Variants in CNTLN observed in about 807,000 individuals in gnomAD.
CNTLN encodes centlein, also known as centlein, centrosomal protein.
In CNTLN, 212 loss-of-function variants were observed where a neutral mutation model predicts 180.0. The ratio of observed to expected loss-of-function variants is 1.18; its 90% CI spans 1.05 to 1.32. The LOEUF is 1.32. CNTLN is among the 40% of genes most tolerant of loss of function. The pLI is 0.00. For missense variants in CNTLN, 2,095 were observed against 1,610.9 expected, an observed-to-expected ratio of 1.30 and a Z score of -5.14; for synonymous variants, 722 against 563.1, an observed-to-expected ratio of 1.28 and a Z score of -3.99.
At chr9:17,265,942 A>G (rs868704787) in intron 5 of CNTLN, among the ~76,000 whole-genome samples, 1 of 151,212 alleles carries the variant, frequency 6.6e-6, no homozygotes, top group South Asian at 2.1e-4. Flanking sequence ...TTTCTTTATT[A>G]TTCTTGCTAG....
At chr9:17,222,490 A>T (rs1463643198) in intron 2 of CNTLN, among the ~76,000 whole-genome samples, 2 of 151,966 alleles carry the variant, frequency 1.3e-5, no homozygotes, top group Non-Finnish European at 2.9e-5. Flanking sequence ...TGGTATATGA[A>T]AGCAAGGGAG....
At chr9:17,145,179 C>A (rs1368673087) in intron 2 of CNTLN, among the ~76,000 whole-genome samples, 3 of 152,174 alleles carry the variant, frequency 2.0e-5, no homozygotes, top group African/African-American at 7.2e-5. Flanking sequence ...GGGCCTTTTA[C>A]CTGATCTACT....
intron 10 of CNTLN, among the ~76,000 whole-genome samples, chr9:17,340,565 A>AG (rs1821398708): frequency 6.6e-6 from 1 of 152,220 alleles, no homozygotes; most frequent in South Asian, 2.1e-4. Flanking sequence ...CAACAGGGAA[A>AG]GGAGTGAAAC....
At chr9:17,213,902 T>G (rs531646692) in intron 2 of CNTLN, among the ~76,000 whole-genome samples, 4 of 152,240 alleles carry the variant, frequency 2.6e-5, no homozygotes, top group South Asian at 2.1e-4. Context: ...TTTTCCATTT[T>G]CTTGGTAGAT....
downstream of CNTLN, among the ~76,000 whole-genome samples, chr9:17,504,338 A>G (rs1218812632): frequency 6.6e-6 from 1 of 152,204 alleles, no homozygotes; most frequent in East Asian, 1.9e-4. Flanking sequence ...GAGTAATAAA[A>G]AATTACAAAA....
At chr9:17,278,385 A>C (rs1428478894) in intron 6 of CNTLN, among the ~76,000 whole-genome samples, 3 of 150,226 alleles carry the variant, frequency 2.0e-5, no homozygotes, top group African/African-American at 7.6e-5. Context: ...GTAGCACATA[A>C]AATTTACAAT....
intron 18 of CNTLN, among the ~76,000 whole-genome samples, chr9:17,423,113 G>C (rs113057005): frequency 0.014 from 2,148 of 152,252 alleles, 22 homozygotes; most frequent in Non-Finnish European, 0.021. Flanking sequence ...AGTTGGGAGA[G>C]GGGTGACTGA....
At chr9:17,505,142 T>A (rs75196563), downstream of CNTLN, among the ~76,000 whole-genome samples, 48,205 of 151,520 alleles carry the variant, frequency 0.32, 8,730 homozygotes, top group East Asian at 0.5. Context: ...TCATTTATTT[T>A]AAAAAAAACT....
chr9:17,421,071 G>T (rs947031132), intron 18 of CNTLN, among the ~76,000 whole-genome samples: 3 of 152,086 alleles, frequency 2.0e-5, no homozygotes, highest in African/African-American at 7.2e-5. Context: ...TATCTATGAG[G>T]TTCATTTGGT....
chr9:17,512,973 T>C, the CNTLN span, among the ~76,000 whole-genome samples: 112 of 152,184 alleles, frequency 7.4e-4, 1 homozygote, highest in Non-Finnish European at 1.2e-3. Context: ...CCCACCACTA[T>C]GCCCAGCTAA....
chr9:17,205,980 G>A (rs1397303204), intron 2 of CNTLN, among the ~76,000 whole-genome samples: 1 of 151,916 alleles, frequency 6.6e-6, no homozygotes, highest in Non-Finnish European at 1.5e-5. Flanking sequence ...TAATTAATGA[G>A]AATAACCTGT....
chr9:17,517,949 A>AC, the CNTLN span, among the ~76,000 whole-genome samples: 267 of 120,092 alleles, frequency 2.2e-3, no homozygotes, highest in Non-Finnish European at 3.5e-3. Context: ...TCCTTTAACC[A>AC]CCCCCCAAGG....
chr9:17,309,423 CATACA>C (rs1411483044), intron 8 of CNTLN, among the ~76,000 whole-genome samples, 171 bp downstream of exon 8: 1 of 152,034 alleles, frequency 6.6e-6, no homozygotes, highest in East Asian at 1.9e-4. Context: ...ATGAATATTA[CATACA>C]ATACAAATTT....
At chr9:17,415,206 A>G (rs140984131) in intron 16 of CNTLN, among the ~76,000 whole-genome samples, 199 of 152,302 alleles carry the variant, frequency 1.3e-3, no homozygotes, top group African/African-American at 4.6e-3. Flanking sequence ...GCCTCAGTGT[A>G]TTAGAATGCC....
At chr9:17,240,714 T>C (rs552219029) in intron 5 of CNTLN, among the ~76,000 whole-genome samples, 100 of 152,288 alleles carry the variant, frequency 6.6e-4, no homozygotes, top group African/African-American at 2.2e-3. Flanking sequence ...ACTTTATTGA[T>C]TGCCCTCTTT....
chr9:17,204,450 G>C (rs913020221), intron 2 of CNTLN, among the ~76,000 whole-genome samples: 4 of 152,116 alleles, frequency 2.6e-5, no homozygotes, highest in African/African-American at 9.7e-5. Flanking sequence ...CTCTTCTGCA[G>C]CTTGCTGGAG....
At chr9:17,471,223 G>C (rs17764545) in intron 23 of CNTLN, among the ~76,000 whole-genome samples, 2 of 151,812 alleles carry the variant, frequency 1.3e-5, no homozygotes, top group African/African-American at 4.8e-5. Context: ...TTTCAGCCAC[G>C]AATTTTTGCC....
At chr9:17,151,240 T>A (rs2131510421) in intron 2 of CNTLN, among the ~76,000 whole-genome samples, 1 of 152,322 alleles carries the variant, frequency 6.6e-6, no homozygotes, top group East Asian at 1.9e-4. Context: ...TCGAAGGGAA[T>A]GCTTTGAGTT....
At chr9:17,197,289 G>C (rs1464043454) in intron 2 of CNTLN, among the ~76,000 whole-genome samples, 3 of 152,106 alleles carry the variant, frequency 2.0e-5, no homozygotes, top group African/African-American at 7.2e-5. Context: ...CCACATCCTT[G>C]TCAGCATTTG....
Sources: gnomAD v4.1 joint callset for allele counts (sites outside exome capture counted in the v4.1 genomes callset) on GRCh38, gnomAD v4.1.1 for gene constraint, MANE v1.5 for transcripts, NCBI Gene and HGNC (gene_info 2026-07-23, HGNC 2026-07-21) for gene names.